Variants in MRM1 observed in about 807,000 individuals in gnomAD.
The protein encoded by MRM1 is rRNA methyltransferase 1, mitochondrial.
In MRM1, 24 loss-of-function variants were observed where a neutral mutation model predicts 25.0. The observed-to-expected ratio is 0.96, with a 90% CI of 0.69 to 1.35. The LOEUF (loss-of-function observed/expected upper bound fraction) is 1.35, where lower values mean the gene tolerates loss of function less well. Ranked by LOEUF, MRM1 falls within the 40% of genes most tolerant of loss-of-function variation. The pLI, the probability that MRM1 is intolerant of heterozygous loss-of-function variation, is 0.00. For synonymous variants in MRM1, 188 were observed against 199.2 expected (o/e 0.94, Z 0.47); for missense variants, 431 against 464.1 (o/e 0.93, Z 0.65).
At chr17:36,611,001 A>T (rs1050316986), downstream of MRM1, among the ~76,000 whole-genome samples, 2 of 152,042 alleles carry the variant, frequency 1.3e-5, no homozygotes, top group African/African-American at 4.8e-5. Flanking sequence ...TTTAGTAGAG[A>T]TGGGGTTTCT....
the MRM1 span, chr17:36,634,665 C>T: frequency 6.6e-6 from 1 of 152,212 alleles, no homozygotes; most frequent in Non-Finnish European, 1.5e-5. Context: ...TAATTTCTTG[C>T]TATAATAAAT....
At chr17:36,624,815 G>A in the MRM1 span, among the ~76,000 whole-genome samples, 5 of 152,236 alleles carry the variant, frequency 3.3e-5, no homozygotes, top group South Asian at 8.3e-4. This position sits in a 1 kb window ranked among gnomAD's most constrained non-coding sequence, Gnocchi z 4.0. Context: ...AGTGAGGAGC[G>A]CAGGAAACGG....
Position 36,601,612 on chromosome 17 carries a change from G to A in MRM1, c.-199G>A. 1 of 505,158 alleles carries A rather than the reference G, an allele frequency of 2.0e-6. No individual in the cohort carries two copies. Among genetic ancestry groups the A allele is most frequent in the Non-Finnish European group, 3.3e-6 (1 of 300,750 alleles). The allele number at this position is 505,158 out of a possible 1,614,324, so 31.3% of individuals were successfully genotyped here. Reference sequence around the variant, plus strand: ...CCGGAAGCGAGGGACCCACGTGGGAGCCTGGGAGCGGGTGGTCGTAGCTCG... The same window carrying A: ...CCGGAAGCGAGGGACCCACGTGGGAACCTGGGAGCGGGTGGTCGTAGCTCG... On this transcript the variant is annotated 5_prime_UTR_variant, in exon 1 of 5. Coordinates refer to ENST00000614766, the MANE Select transcript of MRM1 (RefSeq NM_024864.5).
chr17:36,610,602 T>C (rs1395306155), downstream of MRM1, among the ~76,000 whole-genome samples: 2 of 152,190 alleles, frequency 1.3e-5, no homozygotes, highest in Non-Finnish European at 2.9e-5. Flanking sequence ...ACTGCACTGA[T>C]CAGCTTCTGC....
downstream of MRM1, among the ~76,000 whole-genome samples, chr17:36,610,981 G>A (rs1259979820): frequency 6.6e-6 from 1 of 151,982 alleles, no homozygotes; most frequent in African/African-American, 2.4e-5. Flanking sequence ...ACCCAGCTAA[G>A]TTTTGTATTT....
chr17:36,608,291 A>T lies in MRM1; in HGVS notation c.938A>T (p.Glu313Val), dbSNP rs1261410322. Reference sequence around the variant, plus strand: ...AGCCAGAGGAAGGGTTTCCCCACAGAGGGGGAGAGAAGGCAGCTTCTCCAA... The same window carrying T: ...AGCCAGAGGAAGGGTTTCCCCACAGTGGGGGAGAGAAGGCAGCTTCTCCAA... ...ICSQRKGFPT[E>V]GERRQLLQDP... Residue 313 changes from glutamate (E) to valine (V), a missense_variant, in exon 5 of 5, where the codon GAG (glutamate) becomes GTG (valine). By Grantham distance (121) the Glu-to-Val change is moderately radical. Coordinates refer to ENST00000614766, the MANE Select transcript of MRM1 (RefSeq NM_024864.5). The T allele has an allele frequency of 1.2e-6, 2 of 1,603,378 alleles. No homozygotes were observed. The highest frequency in any genetic ancestry group is 4.5e-5 in the East Asian group (2 of 44,742).
chr17:36,622,107 C>A, the MRM1 span, among the ~76,000 whole-genome samples: 2 of 152,114 alleles, frequency 1.3e-5, no homozygotes, highest in Non-Finnish European at 2.9e-5. Flanking sequence ...AGGGGCTTGA[C>A]TTGGGATAAA....
intron 2 of MRM1, among the ~76,000 whole-genome samples, chr17:36,606,092 T>C (rs1219486637): frequency 6.6e-6 from 1 of 152,230 alleles, no homozygotes; most frequent in South Asian, 2.1e-4. Flanking sequence ...CACCTTACTG[T>C]TCTCAAACAT....
At chr17:36,616,470 C>T in the MRM1 span, among the ~76,000 whole-genome samples, 5 of 152,216 alleles carry the variant, frequency 3.3e-5, no homozygotes, top group East Asian at 3.9e-4. Context: ...CCAGACTTTC[C>T]GTCGACAGCC....
At chr17:36,624,063 C>T in the MRM1 span, among the ~76,000 whole-genome samples, 1 of 152,192 alleles carries the variant, frequency 6.6e-6, no homozygotes, top group Non-Finnish European at 1.5e-5. This position sits in a 1 kb window ranked among gnomAD's most constrained non-coding sequence, Gnocchi z 4.0. Context: ...GATGCTATTA[C>T]CCTGCTGGAG....
chr17:36,632,596 G>A, the MRM1 span, among the ~76,000 whole-genome samples: 3 of 150,048 alleles, frequency 2.0e-5, no homozygotes, highest in Non-Finnish European at 4.5e-5. Context: ...GGGCAATTTT[G>A]TGCTCCCCCC....
chr17:36,608,260 A>G lies in MRM1; in HGVS notation c.907A>G (p.Ile303Val), dbSNP rs754720208. The G allele has an allele frequency of 6.4e-7, 1 of 1,574,386 alleles. No homozygotes were observed. The highest frequency in any genetic ancestry group is 2.3e-5 in the East Asian group (1 of 44,384). ...CTGTGCAGGAATTCTTCTTCACTCC[A>G]TTTGCAGCCAGAGGAAGGGTTTCCC... ...SVAAGILLHSICSQRKGFPTE... is the reference protein window; with the variant it reads ...SVAAGILLHSVCSQRKGFPTE... Residue 303 changes from isoleucine to valine, a missense_variant, in exon 5 of 5, where the codon ATT becomes GTT. Transcript: ENST00000614766.
Position 36,602,648 on chromosome 17 carries a change from T to C in MRM1, c.636+2T>C, listed in dbSNP as rs774130104. ...GATGACCTCACCGGATTTTTACAGGTAATGAGGGGCAAGAGGGGAAGGAAC... is the reference window on the plus strand; with the variant it reads ...GATGACCTCACCGGATTTTTACAGGCAATGAGGGGCAAGAGGGGAAGGAAC... On this transcript the variant is annotated splice_donor_variant, in intron 2 of 4. Transcript: ENST00000614766. LOFTEE classifies it high-confidence loss of function. This position sits in a 1 kb window ranked among gnomAD's most constrained non-coding sequence, Gnocchi z 4.1. The C allele has an allele frequency of 6.2e-7, 1 of 1,613,824 alleles. No individual in the cohort carries two copies. The highest frequency in any genetic ancestry group is 1.1e-5 in the South Asian group (1 of 91,064).
At chr17:36,627,600 C>A in the MRM1 span, among the ~76,000 whole-genome samples, 9 of 151,920 alleles carry the variant, frequency 5.9e-5, no homozygotes, top group African/African-American at 2.2e-4. Flanking sequence ...TTGCCTTCTG[C>A]CTCCTTGCCC....
chr17:36,614,564 C>T, the MRM1 span, among the ~76,000 whole-genome samples: 53,764 of 151,972 alleles, frequency 0.35, 11,469 homozygotes, highest in African/African-American at 0.61. Flanking sequence ...CTCCTGGGCA[C>T]CCCAACATGG....
chr17:36,602,752 G>A lies in MRM1; in HGVS notation c.636+106G>A. On this transcript the variant is annotated intron_variant, in intron 2 of 4. Transcript: ENST00000614766. The surrounding 1 kb of genome is among the most constrained non-coding windows in gnomAD (Gnocchi z 4.1). ...GGAGAGAAAGGGGCATGTTGGCACC[G>A]CTTCCTTTGGCCTTCTAAATCCCTC... 2.2e-6 allele frequency: 3 copies of A among 1,386,162 alleles called. No homozygotes were observed. The highest frequency in any genetic ancestry group is 1.2e-5 in the South Asian group (1 of 81,552). The allele number at this position is 1,386,162 out of a possible 1,614,324, so 85.9% of individuals were successfully genotyped here. A position where few individuals can be genotyped will look rare whatever the true frequency, so the allele number is the denominator to read the frequency against.
the MRM1 span, among the ~76,000 whole-genome samples, chr17:36,620,639 G>C: frequency 6.6e-6 from 1 of 152,214 alleles, no homozygotes; most frequent in Non-Finnish European, 1.5e-5. Context: ...GTTTGGGGTT[G>C]ATGGCCTCTG....
At chr17:36,618,241 A>G in the MRM1 span, among the ~76,000 whole-genome samples, 1 of 152,174 alleles carries the variant, frequency 6.6e-6, no homozygotes, top group East Asian at 1.9e-4. Context: ...GAGGGCCTCT[A>G]AGGACAGAAC....
chr17:36,606,823 G>A (rs2074933008), intron 2 of MRM1, among the ~76,000 whole-genome samples: 1 of 151,688 alleles, frequency 6.6e-6, no homozygotes, highest in Non-Finnish European at 1.5e-5. Flanking sequence ...GTTAGCCAGG[G>A]TGGTCTCAAA....
Sources: allele counts gnomAD v4.1 joint callset (sites outside exome capture counted in the v4.1 genomes callset), GRCh38; gene constraint gnomAD v4.1.1; non-coding constraint Gnocchi (gnomAD v3.1); transcripts MANE v1.5; gene names NCBI Gene and HGNC (gene_info 2026-07-23, HGNC 2026-07-21).